ITGA9: variants seen among roughly 807,000 people sequenced by gnomAD.
The protein encoded by ITGA9 is integrin alpha-9.
A neutral mutation model predicts 127.8 loss-of-function variants in ITGA9; 56 were observed. The observed-to-expected ratio is 0.44, with a 90% confidence interval of 0.35 to 0.55. The LOEUF is 0.55. Ranked by LOEUF, ITGA9 falls within the 20% of genes least tolerant of loss-of-function variation. The pLI is 0.00. For missense variants in ITGA9, 1,196 were observed against 1,347.1 expected, an observed-to-expected ratio of 0.89 and a Z score of 1.76; for synonymous variants, 508 against 514.5, an observed-to-expected ratio of 0.99 and a Z score of 0.17.
chr3:37,758,712 G>C (rs969352807), intron 23 of ITGA9, among the ~76,000 whole-genome samples: 1 of 151,958 alleles, frequency 6.6e-6, no homozygotes, highest in African/African-American at 2.4e-5. Context: ...AGTTGTGTTG[G>C]AGGCCTTAAC....
intron 12 of ITGA9, 119 bp from the exon 13 acceptor site, chr3:37,525,907 G>GTT (rs1699088012): frequency 1.1e-5 from 9 of 807,744 alleles, no homozygotes; most frequent in Non-Finnish European, 1.8e-5. Flanking sequence ...CCAGACAGTG[G>GTT]TCGTCTGAGG....
intron 18 of ITGA9, among the ~76,000 whole-genome samples, chr3:37,684,734 G>A (rs1428742955): frequency 6.6e-6 from 1 of 152,226 alleles, no homozygotes; most frequent in Non-Finnish European, 1.5e-5. Context: ...CTCCCAAAGT[G>A]CTGGGATTAC....
At chr3:37,714,742 A>T (rs1185605289) in intron 18 of ITGA9, among the ~76,000 whole-genome samples, 1 of 152,216 alleles carries the variant, frequency 6.6e-6, no homozygotes, top group Non-Finnish European at 1.5e-5. Context: ...CTCTGGGGGT[A>T]GTCCCAGCAG....
At chr3:37,630,276 A>G (rs761431539) in intron 16 of ITGA9, among the ~76,000 whole-genome samples, 9 of 152,180 alleles carry the variant, frequency 5.9e-5, no homozygotes, top group Non-Finnish European at 1.3e-4. Flanking sequence ...TTACCAAGGC[A>G]TCGCATTATC....
intron 18 of ITGA9, among the ~76,000 whole-genome samples, chr3:37,699,453 T>C (rs1700922769): frequency 2.0e-5 from 3 of 152,242 alleles, no homozygotes; most frequent in Admixed American, 2.0e-4. Flanking sequence ...AAACACCCTG[T>C]TGGCTGATCC....
At chr3:37,743,457 C>A (rs1159516905) in intron 21 of ITGA9, among the ~76,000 whole-genome samples, 1 of 152,190 alleles carries the variant, frequency 6.6e-6, no homozygotes, top group Non-Finnish European at 1.5e-5. Context: ...CTTTCAAATG[C>A]CTAACTTCTA....
At chr3:37,744,584 G>A (rs962235490) in intron 22 of ITGA9, among the ~76,000 whole-genome samples, 1 of 152,206 alleles carries the variant, frequency 6.6e-6, no homozygotes, top group Non-Finnish European at 1.5e-5. Context: ...AGGCACACAG[G>A]CATCATTTCC....
chr3:37,684,202 G>A (rs538500409), intron 18 of ITGA9, among the ~76,000 whole-genome samples, 187 bp downstream of exon 18: 6 of 152,290 alleles, frequency 3.9e-5, no homozygotes, highest in African/African-American at 1.2e-4. Flanking sequence ...AGAAGCAGCC[G>A]TAAATGCCCA....
At chr3:37,654,190 C>CACACACACACA (rs1700455091) in intron 17 of ITGA9, among the ~76,000 whole-genome samples, 88 of 146,404 alleles carry the variant, frequency 6.0e-4, no homozygotes, top group African/African-American at 2.1e-3. Flanking sequence ...CCTCCTGCCT[C>CACACACACACA]CACACACACA....
chr3:37,728,437 G>A (rs899500269), intron 18 of ITGA9, among the ~76,000 whole-genome samples: 2 of 152,130 alleles, frequency 1.3e-5, no homozygotes, highest in Admixed American at 6.5e-5. Flanking sequence ...TACCTTGTGG[G>A]TATGTCTGTG....
intron 15 of ITGA9, among the ~76,000 whole-genome samples, chr3:37,598,006 T>A (rs1467912746): frequency 2.0e-5 from 3 of 152,222 alleles, no homozygotes; most frequent in Non-Finnish European, 4.4e-5. Flanking sequence ...CAGAGGCAGA[T>A]GTAGATTTGA....
At chr3:37,554,473 G>C (rs545273091) in intron 15 of ITGA9, among the ~76,000 whole-genome samples, 3 of 152,098 alleles carry the variant, frequency 2.0e-5, no homozygotes, top group African/African-American at 7.2e-5. Flanking sequence ...GAGGGGGATG[G>C]GAGTGTGTGA....
At chr3:37,699,114 A>T (rs973831411) in intron 18 of ITGA9, among the ~76,000 whole-genome samples, 1 of 152,080 alleles carries the variant, frequency 6.6e-6, no homozygotes, top group Admixed American at 6.5e-5. Context: ...ACCTTTCAAC[A>T]TTGGAGAGCC....
intron 22 of ITGA9, chr3:37,749,742 A>T (rs17830004): frequency 0.015 from 2,310 of 152,580 alleles, 30 homozygotes; most frequent in Non-Finnish European, 0.022. Flanking sequence ...GAGACAGAAG[A>T]GGGGTACAGT....
chr3:37,693,580 CAG>C (rs1700853805), intron 18 of ITGA9, among the ~76,000 whole-genome samples: 1 of 152,194 alleles, frequency 6.6e-6, no homozygotes, highest in South Asian at 2.1e-4. Context: ...GGTGATAAAA[CAG>C]ATCCACTTGC....
rs1336190242 is a variant in ITGA9 at position 37,819,118 on chromosome 3, TC to T, written c.*130del. ...CCACTGATGCTGTTCTCTTCTTCAT[TC>T]TATCAAGCCCAGGTGCCAGCCTGAG... On this transcript the variant is annotated 3_prime_UTR_variant, in exon 28 of 28. Coordinates refer to ENST00000264741, the MANE Select transcript of ITGA9 (RefSeq NM_002207.3). The T allele has an allele frequency of 1.3e-6, 1 of 775,280 alleles. No homozygotes were observed. Among genetic ancestry groups the T allele is most frequent in the Admixed American group, 2.0e-5 (1 of 49,300 alleles). 48.0% of individuals were successfully genotyped at this position (775,280 alleles called of 1,614,324 possible).
intron 8 of ITGA9, 79 bp from the exon 9 acceptor site, chr3:37,513,684 A>T: frequency 2.6e-6 from 4 of 1,553,944 alleles, no homozygotes; most frequent in Non-Finnish European, 3.5e-6. Context: ...TTCTAAAGCC[A>T]ATGGGGTGGA....
intron 16 of ITGA9, among the ~76,000 whole-genome samples, chr3:37,645,149 G>A (rs1205709744): frequency 6.6e-6 from 1 of 152,066 alleles, no homozygotes; most frequent in Non-Finnish European, 1.5e-5. Context: ...ACATGATTAG[G>A]GCCTCTGGAA....
At chr3:37,742,604 G>A (rs1420210717) in intron 21 of ITGA9, among the ~76,000 whole-genome samples, 3 of 152,182 alleles carry the variant, frequency 2.0e-5, no homozygotes, top group Non-Finnish European at 4.4e-5. Context: ...TTTAGATCAG[G>A]TGAGGACCCA....
Sources: allele counts gnomAD v4.1 joint callset (sites outside exome capture counted in the v4.1 genomes callset), GRCh38; gene constraint gnomAD v4.1.1; transcripts MANE v1.5; gene names NCBI Gene and HGNC (gene_info 2026-07-23, HGNC 2026-07-21).